SLC6A6: variants seen among roughly 807,000 people sequenced by gnomAD.
SLC6A6 encodes the protein sodium- and chloride-dependent taurine transporter.
In SLC6A6, 16 loss-of-function variants were observed where a neutral mutation model predicts 68.8. That is an observed-to-expected ratio of 0.23 (90% CI 0.16 to 0.35). The LOEUF is 0.35. SLC6A6 is among the 10% of genes least tolerant of loss of function. The probability of loss-of-function intolerance (pLI) is 1.00; values close to 1 mark genes in which losing one functional copy is unlikely to be tolerated. For synonymous variants in SLC6A6, 312 were observed against 315.4 expected (o/e 0.99, Z 0.12); for missense variants, 474 against 802.8 (o/e 0.59, Z 4.95).
chr3:14,468,001 T>C lies in SLC6A6; in HGVS notation c.971+45T>C, dbSNP rs1338514652. 2.5e-6 allele frequency: 4 copies of C among 1,608,390 alleles called. No homozygotes were observed. The highest frequency in any genetic ancestry group is 3.4e-6 in the Non-Finnish European group (4 of 1,175,342). On this transcript the variant is annotated intron_variant, in intron 8 of 14. Coordinates refer to ENST00000622186, the MANE Select transcript of SLC6A6 (RefSeq NM_003043.6). This position sits in a 1 kb window ranked among gnomAD's most constrained non-coding sequence, Gnocchi z 4.5. ...GCCTGGTGGACTTTAGAAATGATGATGATGATGTTTAAAGAAAAAGAGAAG... is the reference window on the plus strand; with the variant it reads ...GCCTGGTGGACTTTAGAAATGATGACGATGATGTTTAAAGAAAAAGAGAAG...
intron 1 of SLC6A6, among the ~76,000 whole-genome samples, chr3:14,410,711 C>T (rs1699234049): frequency 6.6e-6 from 1 of 152,230 alleles, no homozygotes; most frequent in Non-Finnish European, 1.5e-5. Context: ...TGCGTGGTCC[C>T]TCCTCATGCT....
At chr3:14,463,772 A>T (rs1700550765) in intron 6 of SLC6A6, among the ~76,000 whole-genome samples, 1 of 152,084 alleles carries the variant, frequency 6.6e-6, no homozygotes, top group South Asian at 2.1e-4. Context: ...CAAGGAGAAG[A>T]GATGACGGTG....
At position 14,472,183 on chromosome 3, in the gene SLC6A6, C is replaced by A. The variant is rs754183618; in HGVS notation, c.1097-22C>A. ...CTGATGTCTCCTCCCCTGTGCCCCT[C>A]CCCGTTTTCTTTCCTTTCTAGGTCC... is the stretch of plus-strand genomic sequence containing the variant. On this transcript the variant is annotated intron_variant, in intron 9 of 14. Transcript: ENST00000622186. This position sits in a 1 kb window ranked among gnomAD's most constrained non-coding sequence, Gnocchi z 4.5. 4 of 1,481,632 alleles carry A rather than the reference C, an allele frequency of 2.7e-6. No individual in the cohort carries two copies. The African/African-American group carries it at 5.5e-5, about 20-fold the overall frequency. 91.8% of individuals were successfully genotyped at this position (1,481,632 alleles called of 1,614,324 possible). A position where few individuals can be genotyped will look rare whatever the true frequency, so the allele number is the denominator to read the frequency against.
At chr3:14,416,596 A>G in intron 2 of SLC6A6, 143 bp downstream of exon 2, 1 of 395,508 alleles carries the variant, frequency 2.5e-6, no homozygotes, top group East Asian at 3.6e-5. Flanking sequence ...CCTTGTCCAC[A>G]CCTCACCTCC....
intron 2 of SLC6A6, among the ~76,000 whole-genome samples, chr3:14,436,797 C>T (rs973474335): frequency 6.6e-6 from 1 of 152,120 alleles, no homozygotes; most frequent in South Asian, 2.1e-4. Context: ...CATTAGCTGG[C>T]CTGGCCCAGC....
chr3:14,459,304 T>A (rs897104624), intron 6 of SLC6A6, among the ~76,000 whole-genome samples: 2 of 152,196 alleles, frequency 1.3e-5, no homozygotes, highest in African/African-American at 2.4e-5. Context: ...CACAGTGGAA[T>A]TGAGGGTTGA....
chr3:14,418,932 A>G (rs1262774505), intron 2 of SLC6A6, among the ~76,000 whole-genome samples: 1 of 152,198 alleles, frequency 6.6e-6, no homozygotes, highest in Non-Finnish European at 1.5e-5. Flanking sequence ...CTCTGGGCCC[A>G]GCCCCTTCCC....
At chr3:14,446,027 G>A (rs1469931408) in intron 4 of SLC6A6, among the ~76,000 whole-genome samples, 176 bp downstream of exon 4, 1 of 152,242 alleles carries the variant, frequency 6.6e-6, no homozygotes, top group Non-Finnish European at 1.5e-5. Context: ...CTGCTTAGGA[G>A]TACGGGGAAA....
At chr3:14,467,376 A>T (rs938705463) in intron 7 of SLC6A6, among the ~76,000 whole-genome samples, 5 of 152,138 alleles carry the variant, frequency 3.3e-5, no homozygotes, top group Non-Finnish European at 5.9e-5. Context: ...CTCCTTCTGC[A>T]TTCTAACTCG....
At chr3:14,464,794 G>T (rs546416302) in intron 6 of SLC6A6, among the ~76,000 whole-genome samples, 5 of 152,322 alleles carry the variant, frequency 3.3e-5, no homozygotes, top group Admixed American at 2.0e-4. Flanking sequence ...TAAAATGGGT[G>T]CATTGACTGT....
chr3:14,478,875 G>A (rs1047958298), intron 12 of SLC6A6: 4 of 599,170 alleles, frequency 6.7e-6, no homozygotes, highest in Non-Finnish European at 1.2e-5. Context: ...GCACACCTAG[G>A]GTTTGGAGTG....
At chr3:14,424,790 C>A (rs1406230555) in intron 2 of SLC6A6, among the ~76,000 whole-genome samples, 1 of 152,204 alleles carries the variant, frequency 6.6e-6, no homozygotes, top group Non-Finnish European at 1.5e-5. Context: ...CCAGAGGAAA[C>A]CCACTCTAAC....
At chr3:14,442,902 C>A (rs1297250652) in intron 2 of SLC6A6, among the ~76,000 whole-genome samples, 2 of 152,228 alleles carry the variant, frequency 1.3e-5, no homozygotes, top group Non-Finnish European at 2.9e-5. Context: ...TGGGGATGAA[C>A]AAGCACACTT....
In SLC6A6 at chr3:14,486,909, C is replaced by T. The variant is rs1477714691; in HGVS notation, c.*1902C>T. The T allele has an allele frequency of 1.3e-5, 2 of 152,248 alleles. No individual in the cohort carries two copies. The highest frequency in any genetic ancestry group is 1.9e-4 in the East Asian group (1 of 5,198). 9.4% of individuals were successfully genotyped at this position (152,248 alleles called of 1,614,324 possible). On this transcript the variant is annotated 3_prime_UTR_variant, in exon 15 of 15. Coordinates refer to ENST00000622186, the MANE Select transcript of SLC6A6 (RefSeq NM_003043.6). Reference sequence around the variant, plus strand: ...ACCCAGTCCTATTCCAAACTCTCAACGATTCTATCTTGTTCCTGTTTTTCT... The same window carrying T: ...ACCCAGTCCTATTCCAAACTCTCAATGATTCTATCTTGTTCCTGTTTTTCT...
chr3:14,422,928 C>T (rs1311068678), intron 2 of SLC6A6, among the ~76,000 whole-genome samples: 2 of 152,218 alleles, frequency 1.3e-5, no homozygotes, highest in Non-Finnish European at 2.9e-5. Context: ...CCTGCCAGTC[C>T]TGGACAAGGG....
chr3:14,457,577 G>T (rs1357083371), intron 5 of SLC6A6, among the ~76,000 whole-genome samples: 1 of 152,194 alleles, frequency 6.6e-6, no homozygotes, highest in Non-Finnish European at 1.5e-5. Flanking sequence ...AAACAGTAGA[G>T]CTGAGAATTG....
intron 1 of SLC6A6, among the ~76,000 whole-genome samples, chr3:14,408,949 G>A (rs1040980561): frequency 3.9e-5 from 6 of 152,168 alleles, no homozygotes; most frequent in African/African-American, 1.4e-4. Context: ...TGGGACTACA[G>A]GCACCCGCTA....
chr3:14,413,779 C>T (rs1022664839), intron 1 of SLC6A6, among the ~76,000 whole-genome samples: 8 of 152,188 alleles, frequency 5.3e-5, no homozygotes, highest in Non-Finnish European at 7.3e-5. Context: ...GCGGGAACCT[C>T]AGGTGTTCTG....
At chr3:14,410,275 C>T (rs9810533) in intron 1 of SLC6A6, among the ~76,000 whole-genome samples, 23 of 152,126 alleles carry the variant, frequency 1.5e-4, no homozygotes, top group Non-Finnish European at 2.8e-4. Flanking sequence ...GTGAACCCCC[C>T]CTTGACAGGG....
Sources: allele counts gnomAD v4.1 joint callset (sites outside exome capture counted in the v4.1 genomes callset), GRCh38; gene constraint gnomAD v4.1.1; non-coding constraint Gnocchi (gnomAD v3.1); transcripts MANE v1.5; gene names NCBI Gene and HGNC (gene_info 2026-07-23, HGNC 2026-07-21).